The following HLTF variants were observed in gnomAD, a reference collection of about 807,000 sequenced individuals.
The protein encoded by HLTF is helicase like transcription factor, also known as DNA-dependent ATPase/E3 ubiquitin-protein ligase HLTF.
Under a neutral mutation model 129.4 loss-of-function variants are expected in HLTF, and 127 were observed. That is an observed-to-expected ratio of 0.98 (90% confidence interval 0.85 to 1.14). The LOEUF is 1.14. Among genes scored for constraint, HLTF ranks in the 50% most tolerant of loss-of-function variants. HLTF has a pLI of 0.00. For synonymous variants in HLTF, 332 were observed against 388.8 expected (o/e 0.85, Z 1.72); for missense variants, 1,139 against 1,187.1 (o/e 0.96, Z 0.60).
At chr3:149,082,999 C>T (rs1576631634) in intron 2 of HLTF, among the ~76,000 whole-genome samples, 1 of 152,132 alleles carries the variant, frequency 6.6e-6, no homozygotes, top group Non-Finnish European at 1.5e-5. Context: ...TGCCTGTAAT[C>T]CCAGCACTTT....
intron 21 of HLTF, 86 bp downstream of exon 21, chr3:149,039,945 G>T: frequency 8.4e-7 from 1 of 1,190,758 alleles, no homozygotes; most frequent in Non-Finnish European, 1.2e-6. Context: ...AGGAATGAAA[G>T]CAGAATTACG....
intron 13 of HLTF, among the ~76,000 whole-genome samples, chr3:149,057,545 C>T (rs1000128086): frequency 1.3e-5 from 2 of 152,242 alleles, no homozygotes; most frequent in South Asian, 2.1e-4. Context: ...CTTGAGTATG[C>T]GCACATTTTG....
intron 9 of HLTF, 91 bp downstream of exon 9, chr3:149,064,700 T>G: frequency 1.2e-6 from 1 of 831,648 alleles, no homozygotes; most frequent in Admixed American, 1.9e-5. Flanking sequence ...ATTACAATAT[T>G]AGGCTGAAAA....
Position 149,086,319 on chromosome 3 carries a change from C to T in HLTF, c.18G>A (p.Lys6=). 6.2e-7 allele frequency: 1 copy of T among 1,602,846 alleles called. No homozygotes were observed. ...CCCACCCCCTCCGCCCCCTTCACCT[C>T]TTGAACATCCAGGACATGGCGCTGA... The part of the protein sequence containing the change: MSWMF[K]RDPVWKYLQT... Residue 6 remains lysine (K), a splice_region_variant and synonymous_variant, in exon 1 of 25, where the codon AAG becomes AAA. Coordinates refer to ENST00000310053, the MANE Select transcript of HLTF (RefSeq NM_003071.4).
At chr3:149,032,617 A>G (rs1715196029) in intron 24 of HLTF, among the ~76,000 whole-genome samples, 1 of 152,180 alleles carries the variant, frequency 6.6e-6, no homozygotes, top group Non-Finnish European at 1.5e-5. Flanking sequence ...TAAAGAAAAA[A>G]AAAGCAAACT....
At chr3:149,054,023 G>C (rs1276876303) in intron 14 of HLTF, among the ~76,000 whole-genome samples, 1 of 151,906 alleles carries the variant, frequency 6.6e-6, no homozygotes, top group African/African-American at 2.4e-5. Flanking sequence ...TCAGGACAAG[G>C]TGTAATTTAA....
intron 7 of HLTF, among the ~76,000 whole-genome samples, chr3:149,068,739 G>C (rs1718611878): frequency 6.6e-6 from 1 of 151,944 alleles, no homozygotes; most frequent in Admixed American, 6.6e-5. Context: ...TTGACTTAAA[G>C]ATAATACCAA....
At chr3:149,038,002 T>C (rs1334606111) in intron 23 of HLTF, among the ~76,000 whole-genome samples, 1 of 152,208 alleles carries the variant, frequency 6.6e-6, no homozygotes, top group African/African-American at 2.4e-5. Context: ...TGCACTATAT[T>C]AGGCATTAAA....
intron 24 of HLTF, among the ~76,000 whole-genome samples, chr3:149,034,660 A>G (rs1393055779): frequency 6.6e-6 from 1 of 152,236 alleles, no homozygotes; most frequent in East Asian, 1.9e-4. Context: ...AGGGAAACAA[A>G]TATGTTGTAG....
chr3:149,077,699 A>C (rs1438091165), intron 2 of HLTF, among the ~76,000 whole-genome samples: 1 of 151,720 alleles, frequency 6.6e-6, no homozygotes, highest in Non-Finnish European at 1.5e-5. Context: ...AGGGCTGTGC[A>C]CATTCTCAAG....
chr3:149,044,635 T>G (rs973739821), intron 18 of HLTF, among the ~76,000 whole-genome samples: 1 of 152,150 alleles, frequency 6.6e-6, no homozygotes, highest in Admixed American at 6.5e-5. Context: ...ACGGGCATCC[T>G]ATGATCAATG....
At position 149,071,243 on chromosome 3, in the gene HLTF, A is replaced by G. The variant is rs780650076; in HGVS notation, c.894+9T>C. The G allele has an allele frequency of 2.0e-6, 3 of 1,501,558 alleles. No individual in the cohort carries two copies. The highest frequency in any genetic ancestry group is 2.7e-6 in the Non-Finnish European group (3 of 1,114,712). The allele number at this position is 1,501,558 out of a possible 1,614,324, so 93.0% of individuals were successfully genotyped here. ...TTAGATTTTATTAACTAAAGAAAAA[A>G]ATAATTACCAAACCCATATCATCAG... On this transcript the variant is annotated intron_variant, in intron 7 of 24. Transcript: ENST00000310053.
chr3:149,084,025 T>G (rs1235083754), intron 2 of HLTF, among the ~76,000 whole-genome samples: 1 of 152,144 alleles, frequency 6.6e-6, no homozygotes, highest in African/African-American at 2.4e-5. Flanking sequence ...TTACAAAGAT[T>G]TTATTACAAA....
intron 18 of HLTF, among the ~76,000 whole-genome samples, chr3:149,045,255 G>C (rs961559694): frequency 1.3e-5 from 2 of 152,052 alleles, no homozygotes; most frequent in African/African-American, 4.8e-5. Flanking sequence ...ATCTCCTTTA[G>C]ATCTTTACCT....
intron 14 of HLTF, among the ~76,000 whole-genome samples, chr3:149,052,966 T>C (rs1182664588): frequency 2.0e-5 from 3 of 152,166 alleles, no homozygotes; most frequent in Admixed American, 6.5e-5. Flanking sequence ...ATCCTCTCAA[T>C]AGAAAACGAA....
At chr3:149,053,418 C>A (rs1439723818) in intron 14 of HLTF, among the ~76,000 whole-genome samples, 1 of 152,180 alleles carries the variant, frequency 6.6e-6, no homozygotes. Flanking sequence ...CTCTCTTACT[C>A]CCACTCTGGC....
At chr3:149,066,555 C>T (rs1293696579) in intron 8 of HLTF, among the ~76,000 whole-genome samples, 10 of 149,834 alleles carry the variant, frequency 6.7e-5, no homozygotes, top group Admixed American at 6.6e-4. Flanking sequence ...TAATAAATCC[C>T]TGGCTGGAAA....
chr3:149,046,077 T>C lies in HLTF; in HGVS notation c.2072+3A>G. 3 of 1,596,654 alleles carry C rather than the reference T, an allele frequency of 1.9e-6. No homozygotes were observed. The highest frequency in any genetic ancestry group is 2.6e-6 in the Non-Finnish European group (3 of 1,173,140). ...TTTTTAACATGGTTTTCTTTCTCCA[T>C]ACCTTCCAATAGTGGCTCTGCCTTC... On this transcript the variant is annotated splice_donor_region_variant and intron_variant, in intron 18 of 24. Transcript: ENST00000310053.
In HLTF at chr3:149,031,007, G is replaced by C. The variant is rs1714974552; in HGVS notation, c.*1213C>G. 6.6e-6 allele frequency: 1 copy of C among 152,116 alleles called. No individual in the cohort carries two copies. The highest frequency in any genetic ancestry group is 1.5e-5 in the Non-Finnish European group (1 of 68,028). 9.4% of individuals were successfully genotyped at this position (152,116 alleles called of 1,614,324 possible). On this transcript the variant is annotated 3_prime_UTR_variant, in exon 25 of 25. Coordinates refer to ENST00000310053, the MANE Select transcript of HLTF (RefSeq NM_003071.4). ...AACATGAAGCTTCTCTTGTTTGTTA[G>C]AGTAATTAATCTTTCTTTGGATTAA... is the stretch of plus-strand genomic sequence containing the variant.
Sources: allele counts gnomAD v4.1 joint callset (sites outside exome capture counted in the v4.1 genomes callset), GRCh38; gene constraint gnomAD v4.1.1; transcripts MANE v1.5; gene names NCBI Gene and HGNC (gene_info 2026-07-23, HGNC 2026-07-21).